PCDHGA7: variants seen among roughly 807,000 people sequenced by gnomAD.
PCDHGA7 encodes protocadherin gamma-A7.
A neutral mutation model predicts 58.3 loss-of-function variants in PCDHGA7; 44 were observed. That is an observed-to-expected ratio of 0.75 (90% CI 0.59 to 0.97). PCDHGA7 has a LOEUF of 0.97. PCDHGA7 is among the 50% of genes least tolerant of loss of function. The pLI is 0.00. For synonymous variants in PCDHGA7, 516 were observed against 504.2 expected, an observed-to-expected ratio of 1.02 and a Z score of -0.31; for missense variants, 1,266 against 1,188.7, an observed-to-expected ratio of 1.06 and a Z score of -0.96.
At chr5:141,389,119 A>G (rs1561623119) in intron 1 of PCDHGA7, 16 of 1,614,066 alleles carry the variant, frequency 9.9e-6, no homozygotes, top group Admixed American at 1.7e-5. Context: ...GACCGCGAGC[A>G]GAATCCAGAG....
rs370264318 is a variant in PCDHGA7, at chr5:141,403,767, G to C, written c.2424+18444G>C. 1.0e-4 allele frequency: 169 copies of C among 1,613,880 alleles called. No homozygotes were observed. In the East Asian group the frequency reaches 1.6e-3, roughly 16 times the overall value. Reference sequence around the variant, plus strand: ...GCAACAGCCAGCGACCTGGATGAGGGAATCAACGGAAAAGTGGCATACAAA... The same window carrying C: ...GCAACAGCCAGCGACCTGGATGAGGCAATCAACGGAAAAGTGGCATACAAA... On this transcript the variant is annotated intron_variant, in intron 1 of 3. Coordinates refer to ENST00000518325, the MANE Select transcript of PCDHGA7 (RefSeq NM_018920.4).
At chr5:141,416,186 T>G (rs904230611) in intron 1 of PCDHGA7, 2 of 152,474 alleles carry the variant, frequency 1.3e-5, no homozygotes, top group African/African-American at 4.8e-5. Flanking sequence ...TTCATTAATA[T>G]TGAATTAACA....
intron 1 of PCDHGA7, chr5:141,394,616 C>G: frequency 6.2e-7 from 1 of 1,613,490 alleles, no homozygotes; most frequent in Non-Finnish European, 8.5e-7. Flanking sequence ...CGGGCCAGAA[C>G]GCCTGGCTGT....
chr5:141,500,400 G>A (rs2099799942), intron 2 of PCDHGA7, among the ~76,000 whole-genome samples: 1 of 151,666 alleles, frequency 6.6e-6, no homozygotes, highest in East Asian at 1.9e-4. Context: ...TAGTAGAGAC[G>A]GGGTTTCACC....
chr5:141,413,224 C>G, intron 1 of PCDHGA7: 1 of 1,613,790 alleles, frequency 6.2e-7, no homozygotes, highest in Non-Finnish European at 8.5e-7. Context: ...TTGCAGCGGG[C>G]TGGTCCTGCT....
chr5:141,501,442 T>C (rs1202229661), intron 2 of PCDHGA7, among the ~76,000 whole-genome samples: 1 of 152,016 alleles, frequency 6.6e-6, no homozygotes, highest in African/African-American at 2.4e-5. Context: ...ATTTCTTCCA[T>C]TTTTACTTTT....
At position 141,384,512 on chromosome 5, in the gene PCDHGA7, G is replaced by A. The variant is rs1780165876; in HGVS notation, c.1613G>A (p.Gly538Glu). 6.2e-7 allele frequency: 1 copy of A among 1,614,062 alleles called. No homozygotes were observed. The highest frequency in any genetic ancestry group is 1.7e-5 in the Admixed American group (1 of 60,012). The stretch of plus-strand genomic sequence containing the variant: ...CTAAGAGTGACTGCACATGACAGCG[G>A]GGACCCGCCTCTCAGCAGCAACATG... ...LQLRVTAHDSGDPPLSSNMSL... is the reference protein window; with the variant it reads ...LQLRVTAHDSEDPPLSSNMSL... Residue 538 changes from glycine to glutamate, a missense_variant, in exon 1 of 4, where the codon GGG becomes GAG. By Grantham distance (98) the Gly-to-Glu change is moderately conservative (BLOSUM62 -2). Coordinates refer to ENST00000518325, the MANE Select transcript of PCDHGA7 (RefSeq NM_018920.4).
At chr5:141,404,508 C>T (rs2154535422) in intron 1 of PCDHGA7, 2 of 1,613,964 alleles carry the variant, frequency 1.2e-6, no homozygotes, top group Non-Finnish European at 1.7e-6. Flanking sequence ...GCTCTGTGCT[C>T]CTTTGACTAT....
At chr5:141,393,768 A>G in intron 1 of PCDHGA7, 1 of 1,613,968 alleles carries the variant, frequency 6.2e-7, no homozygotes, top group East Asian at 2.2e-5. Flanking sequence ...TGAAATGGAA[A>G]TACAAGCCGA....
chr5:141,437,331 A>T (rs2097876062), intron 1 of PCDHGA7, among the ~76,000 whole-genome samples: 1 of 152,244 alleles, frequency 6.6e-6, no homozygotes, highest in South Asian at 2.1e-4. Context: ...TAAAATTTGT[A>T]GCTTCACTGT....
chr5:141,413,588 A>G, intron 1 of PCDHGA7: 1 of 1,613,922 alleles, frequency 6.2e-7, no homozygotes, highest in Non-Finnish European at 8.5e-7. Context: ...CCAAAATTCC[A>G]AGCAGAAAAT....
In PCDHGA7 at chr5:141,432,287, G is replaced by A. The variant is rs189131107; in HGVS notation, c.2424+46964G>A. On this transcript the variant is annotated intron_variant, in intron 1 of 3. Transcript: ENST00000518325. This position sits in a 1 kb window ranked among gnomAD's most constrained non-coding sequence, Gnocchi z 6.0. ...ATCGTCCTACGTGTCCATCAACTCC[G>A]ACACTGGGGTACTGTATGCGCTGAG... The A allele has an allele frequency of 2.3e-4, 365 of 1,614,216 alleles. 2 individuals carry two copies. In the East Asian group the frequency reaches 6.5e-3, roughly 29 times the overall value.
At chr5:141,395,347 C>T in intron 1 of PCDHGA7, 1 of 1,392,780 alleles carries the variant, frequency 7.2e-7, no homozygotes, top group Non-Finnish European at 9.5e-7. Flanking sequence ...TAAGGTGTAT[C>T]ACAGAGTTTT....
chr5:141,395,148 C>T (rs1288484224), intron 1 of PCDHGA7: 19 of 1,614,078 alleles, frequency 1.2e-5, no homozygotes, highest in Non-Finnish European at 1.6e-5. Context: ...CGCAGACATG[C>T]TCATCAGTCA....
intron 1 of PCDHGA7, among the ~76,000 whole-genome samples, chr5:141,464,827 C>T (rs529757361): frequency 1.5e-4 from 23 of 152,246 alleles, no homozygotes; most frequent in African/African-American, 4.6e-4. Flanking sequence ...TAGCCTCGCA[C>T]TCCTGGGCTC....
intron 1 of PCDHGA7, chr5:141,400,271 C>G: frequency 1.2e-6 from 2 of 1,614,094 alleles, no homozygotes; most frequent in Non-Finnish European, 1.7e-6. Flanking sequence ...CGACGCTCCT[C>G]CAGCCCTGCC....
chr5:141,460,037 C>A (rs1203902962), intron 1 of PCDHGA7, among the ~76,000 whole-genome samples: 1 of 152,120 alleles, frequency 6.6e-6, no homozygotes, highest in African/African-American at 2.4e-5. Context: ...GAGACTGCAC[C>A]ACTGCACTCC....
intron 1 of PCDHGA7, among the ~76,000 whole-genome samples, chr5:141,435,561 T>A (rs2154556722): frequency 6.6e-6 from 1 of 152,294 alleles, no homozygotes; most frequent in South Asian, 2.1e-4. Flanking sequence ...TGAGTGCTTT[T>A]TTTAGTACTG....
chr5:141,496,663 G>A (rs2099770279), intron 2 of PCDHGA7, among the ~76,000 whole-genome samples: 1 of 152,196 alleles, frequency 6.6e-6, no homozygotes, highest in Admixed American at 6.5e-5. Context: ...GACCCCAGCT[G>A]TTGTCCTTCT....
Sources: gnomAD v4.1 joint callset for allele counts (sites outside exome capture counted in the v4.1 genomes callset) on GRCh38, gnomAD v4.1.1 for gene constraint, Gnocchi (gnomAD v3.1) non-coding constraint, MANE v1.5 for transcripts, NCBI Gene and HGNC (gene_info 2026-07-23, HGNC 2026-07-21) for gene names.